Variants in HPSE2 observed in about 807,000 individuals in gnomAD.
HPSE2 encodes heparanase 2 (inactive).
Under a neutral mutation model 60.5 loss-of-function variants are expected in HPSE2, and 38 were observed. The ratio of observed to expected loss-of-function variants is 0.63; its 90% CI spans 0.48 to 0.82. The LOEUF (loss-of-function observed/expected upper bound fraction) is 0.82, where lower values mean the gene tolerates loss of function less well. Ranked by LOEUF, HPSE2 falls within the 40% of genes least tolerant of loss-of-function variation. The pLI is 0.00. For missense variants in HPSE2, 713 were observed against 740.4 expected (o/e 0.96, Z 0.43); for synonymous variants, 295 against 293.2 (o/e 1.01, Z -0.06).
intron 3 of HPSE2, among the ~76,000 whole-genome samples, chr10:99,132,187 AAGAAAGAGAGAGAGAGAGAG>A (rs1845432922): frequency 8.3e-5 from 2 of 24,164 alleles, no homozygotes; most frequent in African/African-American, 2.0e-4. Context: ...GAAAGAAAGA[AAGAAAGAGAGAGAGAGAGAG>A]AGAGAGAGAG....
chr10:99,285,395 A>G, the HPSE2 span, among the ~76,000 whole-genome samples: 2 of 149,838 alleles, frequency 1.3e-5, no homozygotes, highest in Non-Finnish European at 3.0e-5. Context: ...GTGCCACTGC[A>G]CTCCAGCCTG....
At chr10:98,890,918 T>A (rs2134932327) in intron 3 of HPSE2, among the ~76,000 whole-genome samples, 1 of 152,346 alleles carries the variant, frequency 6.6e-6, no homozygotes, top group African/African-American at 2.4e-5. Context: ...TCTTAACTAA[T>A]AAAAATATAG....
intron 3 of HPSE2, among the ~76,000 whole-genome samples, chr10:98,900,083 A>G (rs1953623066): frequency 1.3e-5 from 2 of 152,254 alleles, no homozygotes; most frequent in South Asian, 4.1e-4. Context: ...ACTCCTAGGT[A>G]TTTGACCAAA....
rs2134893056 is a variant in HPSE2, at chr10:98,883,668, A to G, written c.611-139612T>C. Reference sequence around the variant, plus strand: ...AATACAAATAAATTAGCCAGGCATAATGACATGTGCTTGTAGTGCCAGCTA... The same window carrying G: ...AATACAAATAAATTAGCCAGGCATAGTGACATGTGCTTGTAGTGCCAGCTA... On this transcript the variant is annotated intron_variant, in intron 3 of 11. Coordinates refer to ENST00000370552, the MANE Select transcript of HPSE2 (RefSeq NM_021828.5). Among the ~76,000 whole-genome samples the G allele has an allele frequency of 2.6e-5, 4 of 151,976 alleles. No individual in the cohort carries two copies. In the South Asian group the frequency reaches 8.3e-4, roughly 32 times the overall value.
intron 6 of HPSE2, among the ~76,000 whole-genome samples, chr10:98,676,998 A>AT (rs1165024438): frequency 6.7e-6 from 1 of 150,272 alleles, no homozygotes; most frequent in Non-Finnish European, 1.5e-5. Context: ...TCTGCAGCAG[A>AT]TATTTGTCTA....
At chr10:99,122,141 A>T (rs1304780593) in intron 3 of HPSE2, among the ~76,000 whole-genome samples, 1 of 152,084 alleles carries the variant, frequency 6.6e-6, no homozygotes, top group Non-Finnish European at 1.5e-5. Context: ...AAAACCAATC[A>T]AAATATTTTT....
rs201988259 is a variant in HPSE2 at position 99,183,140 on chromosome 10, AG to A, written c.449-38742del. ...GTTTTCAGACTGTAGTACAGGCAGG[AG>A]GATTCCAAACAGAGCTCAGTAGTCT... On this transcript the variant is annotated intron_variant, in intron 2 of 11. Coordinates refer to ENST00000370552, the MANE Select transcript of HPSE2 (RefSeq NM_021828.5). Among the ~76,000 whole-genome samples, 790 of 152,270 alleles carry A rather than the reference AG, an allele frequency of 5.2e-3. 9 individuals are homozygous for A. The highest frequency in any genetic ancestry group is 0.018 in the African/African-American group (754 of 41,550).
intron 9 of HPSE2, among the ~76,000 whole-genome samples, chr10:98,542,065 G>T (rs1589391092): frequency 6.6e-6 from 1 of 150,758 alleles, no homozygotes; most frequent in African/African-American, 2.4e-5. Context: ...CAGCCTAACT[G>T]GGAGGCACCC....
At chr10:98,768,256 T>C (rs1337401003) in intron 3 of HPSE2, among the ~76,000 whole-genome samples, 5 of 152,140 alleles carry the variant, frequency 3.3e-5, no homozygotes, top group African/African-American at 1.2e-4. Context: ...TATAGTTTTA[T>C]TTTTTCCTAA....
intron 2 of HPSE2, among the ~76,000 whole-genome samples, chr10:99,226,753 A>G (rs1849486683): frequency 6.6e-6 from 1 of 151,994 alleles, no homozygotes; most frequent in Non-Finnish European, 1.5e-5. Context: ...TATTAAAACC[A>G]CCACAATAAT....
intron 2 of HPSE2, among the ~76,000 whole-genome samples, chr10:99,154,828 A>C (rs1846462140): frequency 6.6e-6 from 1 of 152,050 alleles, no homozygotes; most frequent in Non-Finnish European, 1.5e-5. Context: ...AAGAGTCAAG[A>C]CCCATCAGTG....
intron 9 of HPSE2, among the ~76,000 whole-genome samples, chr10:98,493,421 G>A (rs1013029800): frequency 6.6e-6 from 1 of 152,142 alleles, no homozygotes; most frequent in African/African-American, 2.4e-5. Flanking sequence ...TATTGCAGAA[G>A]TGTCTGTTTC....
intron 11 of HPSE2, among the ~76,000 whole-genome samples, chr10:98,475,878 C>G (rs1349968865): frequency 6.6e-6 from 1 of 152,078 alleles, no homozygotes; most frequent in Non-Finnish European, 1.5e-5. Context: ...GTTGGTGGGA[C>G]TGTAAACTAG....
At chr10:98,941,013 G>A (rs1204068288) in intron 3 of HPSE2, among the ~76,000 whole-genome samples, 3 of 128,702 alleles carry the variant, frequency 2.3e-5, no homozygotes, top group Admixed American at 7.7e-5. Context: ...TGCAGAAAAG[G>A]CCTTTCACAA....
intron 3 of HPSE2, among the ~76,000 whole-genome samples, chr10:98,801,813 G>C (rs1383707301): frequency 6.6e-6 from 1 of 152,042 alleles, no homozygotes; most frequent in Non-Finnish European, 1.5e-5. Context: ...AAATACCAAT[G>C]ACATTCTTCC....
the HPSE2 span, among the ~76,000 whole-genome samples, chr10:99,282,910 C>T: frequency 4.6e-5 from 7 of 152,072 alleles, no homozygotes; most frequent in South Asian, 4.2e-4. Flanking sequence ...AGGGGCTGAG[C>T]GTGGTGGCTC....
intron 6 of HPSE2, among the ~76,000 whole-genome samples, chr10:98,686,729 G>T (rs978141055): frequency 6.6e-5 from 10 of 152,156 alleles, no homozygotes; most frequent in Admixed American, 2.0e-4. Context: ...AAATATTTAG[G>T]CATTTTATAG....
chr10:99,287,836 A>T, the HPSE2 span, among the ~76,000 whole-genome samples: 1 of 152,214 alleles, frequency 6.6e-6, no homozygotes. Context: ...GGTAAATAAG[A>T]AAGCTAGTTA....
intron 3 of HPSE2, among the ~76,000 whole-genome samples, chr10:98,966,545 C>T (rs1955818991): frequency 6.6e-6 from 1 of 152,004 alleles, no homozygotes; most frequent in Non-Finnish European, 1.5e-5. Context: ...TGGAAGCTGC[C>T]AGGGTGATAA....
Sources: allele counts gnomAD v4.1 joint callset (sites outside exome capture counted in the v4.1 genomes callset), GRCh38; gene constraint gnomAD v4.1.1; transcripts MANE v1.5; gene names NCBI Gene and HGNC (gene_info 2026-07-23, HGNC 2026-07-21).